MED1: variants seen among roughly 807,000 people sequenced by gnomAD.
The protein encoded by MED1 is mediator complex subunit 1.
A neutral mutation model predicts 121.3 loss-of-function variants in MED1; 17 were observed. That is an observed-to-expected ratio of 0.14 (90% CI 0.10 to 0.21). MED1 has a LOEUF of 0.21. Ranked by LOEUF, MED1 falls within the 10% of genes least tolerant of loss-of-function variation. The pLI, the probability that MED1 is intolerant of heterozygous loss-of-function variation, is 1.00. For synonymous variants in MED1, 661 were observed against 694.4 expected (o/e 0.95, Z 0.76); for missense variants, 1,558 against 1,919.4 (o/e 0.81, Z 3.52).
At chr17:39,425,869 G>A (rs2048510407) in intron 10 of MED1, among the ~76,000 whole-genome samples, 1 of 151,366 alleles carries the variant, frequency 6.6e-6, no homozygotes, top group South Asian at 2.1e-4. Flanking sequence ...ATTTTTGTCA[G>A]TAAATAAAAC....
At chr17:39,423,529 C>A in intron 12 of MED1, 84 bp from the exon 13 acceptor site, 2 of 1,420,192 alleles carry the variant, frequency 1.4e-6, no homozygotes, top group Non-Finnish European at 9.9e-7. Flanking sequence ...TACATTCATT[C>A]ACCCAAAAGA....
intron 5 of MED1, among the ~76,000 whole-genome samples, chr17:39,439,514 C>T (rs568753078): frequency 6.6e-6 from 1 of 152,310 alleles, no homozygotes; most frequent in South Asian, 2.1e-4. Context: ...TTACATTCAT[C>T]TCTATTACAT....
chr17:39,423,457 A>T lies in MED1; in HGVS notation c.977-12T>A. ...AAACAATGGAATTCCTGGAAAAACA[A>T]GAATCAATATAATGATCATGTTAAG... On this transcript the variant is annotated splice_polypyrimidine_tract_variant and intron_variant, in intron 12 of 16. Coordinates refer to ENST00000300651, the MANE Select transcript of MED1 (RefSeq NM_004774.4). The T allele has an allele frequency of 1.3e-6, 2 of 1,578,872 alleles. No homozygotes were observed. The highest frequency in any genetic ancestry group is 1.7e-6 in the Non-Finnish European group (2 of 1,148,254).
rs748906903 is a variant in MED1 at position 39,407,800 on chromosome 17, T to G, written c.4421A>C (p.Lys1474Thr). ...ESESGSSIAE[K>T]SYQNSPSSDD... ...TGAGCTGGGACTATTCTGATAAGAT[T>G]TCTCTGCTATGGAGGAGCCTGACTC... The change falls in exon 17 of 17, where the codon AAA (lysine) becomes ACA (threonine). Residue 1474 changes from lysine to threonine, a missense_variant. Lys to Thr is a moderately conservative substitution (Grantham distance 78). Coordinates refer to ENST00000300651, the MANE Select transcript of MED1 (RefSeq NM_004774.4). The G allele has an allele frequency of 6.2e-7, 1 of 1,614,182 alleles. No homozygotes were observed. Among genetic ancestry groups the G allele is most frequent in the Non-Finnish European group, 8.5e-7 (1 of 1,180,030 alleles).
At position 39,404,654 on chromosome 17, in the gene MED1, G is replaced by A. The variant is rs755507048; in HGVS notation, c.*2821C>T. On this transcript the variant is annotated 3_prime_UTR_variant, in exon 17 of 17. Coordinates refer to ENST00000300651, the MANE Select transcript of MED1 (RefSeq NM_004774.4). Reference sequence around the variant, plus strand: ...AGGAAAAAAAAATGAGATTGCCCAAGGATTGTGAATAATGTTTCGTATACT... The same window carrying A: ...AGGAAAAAAAAATGAGATTGCCCAAAGATTGTGAATAATGTTTCGTATACT... 5 of 152,252 alleles carry A rather than the reference G, an allele frequency of 3.3e-5. No homozygotes were observed. The highest frequency in any genetic ancestry group is 7.3e-5 in the Non-Finnish European group (5 of 68,036). 9.4% of individuals were successfully genotyped at this position (152,252 alleles called of 1,614,324 possible). A position where few individuals can be genotyped will look rare whatever the true frequency, so the allele number is the denominator to read the frequency against.
chr17:39,411,060 C>T (rs1357237529), intron 16 of MED1, among the ~76,000 whole-genome samples: 1 of 152,186 alleles, frequency 6.6e-6, no homozygotes, highest in Non-Finnish European at 1.5e-5. Context: ...GTGGCTCACG[C>T]CTGTAATCCC....
chr17:39,443,495 C>A, intron 3 of MED1, 55 bp downstream of exon 3: 2 of 1,474,794 alleles, frequency 1.4e-6, no homozygotes, highest in South Asian at 1.1e-5. Context: ...ATAAAATGGT[C>A]CTTCTTGAAC....
chr17:39,420,435 T>C (rs1427368721), intron 13 of MED1, among the ~76,000 whole-genome samples: 1 of 151,862 alleles, frequency 6.6e-6, no homozygotes, highest in Non-Finnish European at 1.5e-5. Context: ...TCTCCTGACT[T>C]CGTGATCCAC....
intron 14 of MED1, among the ~76,000 whole-genome samples, chr17:39,418,598 T>A (rs2048432831): frequency 6.6e-6 from 1 of 151,766 alleles, no homozygotes; most frequent in Non-Finnish European, 1.5e-5. Flanking sequence ...TGCTACAGGG[T>A]ACAGCCCCTA....
intron 8 of MED1, 92 bp downstream of exon 8, chr17:39,431,850 A>C: frequency 1.3e-6 from 1 of 786,296 alleles, no homozygotes; most frequent in Non-Finnish European, 2.1e-6. Flanking sequence ...ATATTATCAT[A>C]CAGGCTTAAT....
chr17:39,448,286 C>T (rs748182462), intron 1 of MED1, among the ~76,000 whole-genome samples: 2 of 151,330 alleles, frequency 1.3e-5, no homozygotes, highest in Non-Finnish European at 2.9e-5. Flanking sequence ...AGGAGAATTG[C>T]TTGAATCCAG....
chr17:39,419,943 G>C (rs752967263), intron 13 of MED1, 25 bp from the exon 14 acceptor site: 1 of 1,598,056 alleles, frequency 6.3e-7, no homozygotes, highest in Non-Finnish European at 8.6e-7. Context: ...CAGTTAACGA[G>C]TGCTATTTAG....
rs1040026027 is a variant in MED1 at position 39,406,386 on chromosome 17, T to C, written c.*1089A>G. The stretch of plus-strand genomic sequence containing the variant: ...AAACAGTGAGTCCAGCTCTTAGGAA[T>C]GGCATCAGTTCTCCTGCAAACAAAA... On this transcript the variant is annotated 3_prime_UTR_variant, in exon 17 of 17. Transcript: ENST00000300651. The C allele has an allele frequency of 1.0e-6, 1 of 985,300 alleles. No homozygotes were observed. Among genetic ancestry groups the C allele is most frequent in the Non-Finnish European group, 1.2e-6 (1 of 829,930 alleles). The allele number at this position is 985,300 out of a possible 1,614,324, so 61.0% of individuals were successfully genotyped here.
Position 39,447,725 on chromosome 17 carries a change from T to C in MED1, c.132+73A>G, listed in dbSNP as rs2048741966. Reference sequence around the variant, plus strand: ...TTTATGAAGATAGTATGAACACATCTACATGGGGAGCTTAGCGTATTAAGA... The same window carrying C: ...TTTATGAAGATAGTATGAACACATCCACATGGGGAGCTTAGCGTATTAAGA... On this transcript the variant is annotated intron_variant, in intron 2 of 16. Transcript: ENST00000300651. The C allele has an allele frequency of 2.7e-6, 3 of 1,106,480 alleles. No homozygotes were observed. The African/African-American group carries it at 4.7e-5, about 17-fold the overall frequency. 68.5% of individuals were successfully genotyped at this position (1,106,480 alleles called of 1,614,324 possible). A position where few individuals can be genotyped will look rare whatever the true frequency, so the allele number is the denominator to read the frequency against.
chr17:39,445,028 T>A (rs1393537465), intron 2 of MED1, among the ~76,000 whole-genome samples: 1 of 152,102 alleles, frequency 6.6e-6, no homozygotes, highest in African/African-American at 2.4e-5. Context: ...ATGTTGCAAA[T>A]AAATCTATCT....
chr17:39,424,920 C>T (rs1251521484), intron 10 of MED1, among the ~76,000 whole-genome samples, 182 bp from the exon 11 acceptor site: 1 of 152,070 alleles, frequency 6.6e-6, no homozygotes, highest in African/African-American at 2.4e-5. Context: ...TGCTCTGTCA[C>T]CCAGGCTGGA....
chr17:39,435,353 A>T (rs1019255418), intron 6 of MED1, among the ~76,000 whole-genome samples: 1 of 152,050 alleles, frequency 6.6e-6, no homozygotes, highest in Non-Finnish European at 1.5e-5. Flanking sequence ...GAAAACATAA[A>T]CTACTACCGT....
chr17:39,418,165 G>GT (rs1240341973), intron 14 of MED1, among the ~76,000 whole-genome samples: 1 of 149,688 alleles, frequency 6.7e-6, no homozygotes, highest in Non-Finnish European at 1.5e-5. Context: ...TCTTAAAGCT[G>GT]TAAGATTAAG....
intron 9 of MED1, 32 bp downstream of exon 9, chr17:39,431,083 T>C (rs1259692816): frequency 5.2e-6 from 8 of 1,543,312 alleles, no homozygotes; most frequent in Non-Finnish European, 4.5e-6. Context: ...AAATTACACA[T>C]GTTTCTAAAC....
Sources: allele counts gnomAD v4.1 joint callset (sites outside exome capture counted in the v4.1 genomes callset), GRCh38; gene constraint gnomAD v4.1.1; transcripts MANE v1.5; gene names NCBI Gene and HGNC (gene_info 2026-07-23, HGNC 2026-07-21).